The following COL15A1 variants were observed in gnomAD, a reference collection of about 807,000 sequenced individuals.
COL15A1 encodes the protein collagen type XV alpha 1 chain.
COL15A1 carries 111 observed loss-of-function variants against 165.9 expected under a neutral mutation model. The observed-to-expected ratio is 0.67, with a 90% CI of 0.57 to 0.78. The LOEUF is 0.78. Ranked by LOEUF, COL15A1 falls within the 30% of genes least tolerant of loss-of-function variation. The pLI is 0.00. For missense variants in COL15A1, 1,745 were observed against 1,789.7 expected, an observed-to-expected ratio of 0.98 and a Z score of 0.45; for synonymous variants, 659 against 674.8, an observed-to-expected ratio of 0.98 and a Z score of 0.36.
chr9:99,053,995 G>A (rs998043359), intron 31 of COL15A1, among the ~76,000 whole-genome samples: 1 of 152,210 alleles, frequency 6.6e-6, no homozygotes, highest in African/African-American at 2.4e-5. Flanking sequence ...CATATAAAGA[G>A]TTGAGGGGAA....
chr9:99,017,959 C>A (rs909205819), intron 11 of COL15A1, among the ~76,000 whole-genome samples: 1 of 152,134 alleles, frequency 6.6e-6, no homozygotes, highest in Admixed American at 6.6e-5. Flanking sequence ...TCATCTGTTC[C>A]ACCTCCTACC....
intron 22 of COL15A1, among the ~76,000 whole-genome samples, chr9:99,039,113 A>G (rs1456552108): frequency 6.6e-6 from 1 of 152,216 alleles, no homozygotes; most frequent in Non-Finnish European, 1.5e-5. Flanking sequence ...CGAGGAAGAA[A>G]TGGACTCATT....
At chr9:99,039,699 G>A (rs1283570199) in intron 22 of COL15A1, among the ~76,000 whole-genome samples, 2 of 152,186 alleles carry the variant, frequency 1.3e-5, no homozygotes, top group African/African-American at 4.8e-5. Flanking sequence ...GGAGCCTTGA[G>A]GTTGCAGCCC....
intron 2 of COL15A1, among the ~76,000 whole-genome samples, chr9:98,981,864 G>T (rs1338759852): frequency 6.6e-6 from 1 of 152,090 alleles, no homozygotes; most frequent in East Asian, 1.9e-4. Context: ...GAGTGCAGTG[G>T]GGTGATCATA....
intron 6 of COL15A1, among the ~76,000 whole-genome samples, chr9:98,998,610 G>T (rs764659422): frequency 2.0e-5 from 3 of 152,176 alleles, no homozygotes; most frequent in Non-Finnish European, 4.4e-5. Context: ...TGGATGAGAG[G>T]GCTGAATCTG....
intron 26 of COL15A1, 39 bp from the exon 27 acceptor site, chr9:99,047,745 CTT>C: frequency 6.2e-7 from 1 of 1,607,014 alleles, no homozygotes; most frequent in Non-Finnish European, 8.5e-7. Context: ...TGAACCAAGA[CTT>C]TCTGTTCTTT....
chr9:99,068,730 A>G, intron 41 of COL15A1, 60 bp downstream of exon 41: 1 of 965,106 alleles, frequency 1.0e-6, no homozygotes, highest in Non-Finnish European at 1.6e-6. Flanking sequence ...GGGCATCCTA[A>G]CAATGGGATG....
chr9:99,012,768 A>ATGG (rs1838867713), intron 9 of COL15A1, among the ~76,000 whole-genome samples: 1 of 131,224 alleles, frequency 7.6e-6, no homozygotes. Flanking sequence ...CTGGAGTGCA[A>ATGG]TGGTACAATC....
chr9:99,048,376 G>A (rs1839528891), intron 28 of COL15A1, among the ~76,000 whole-genome samples: 1 of 152,086 alleles, frequency 6.6e-6, no homozygotes, highest in African/African-American at 2.4e-5. Flanking sequence ...GTGAGTGCTG[G>A]AAGTCAGTAT....
intron 2 of COL15A1, among the ~76,000 whole-genome samples, chr9:98,960,121 C>A (rs1256191523): frequency 7.9e-5 from 12 of 152,226 alleles, no homozygotes; most frequent in Non-Finnish European, 1.5e-4. Flanking sequence ...GAAACAGAGT[C>A]CCAAGGCCGG....
At chr9:98,978,450 C>A (rs567636390) in intron 2 of COL15A1, among the ~76,000 whole-genome samples, 3 of 152,216 alleles carry the variant, frequency 2.0e-5, no homozygotes, top group Non-Finnish European at 4.4e-5. Flanking sequence ...AGGCTTCCCC[C>A]TCCTGTTCCC....
At chr9:99,023,306 C>G (rs773198416) in intron 13 of COL15A1, 51 bp from the exon 14 acceptor site, 6 of 1,553,836 alleles carry the variant, frequency 3.9e-6, no homozygotes, top group South Asian at 1.2e-5. Context: ...CGTGGCTGTC[C>G]TTGGAGTCTG....
In COL15A1 at chr9:99,003,546, C is replaced by G. The variant is rs759196765; in HGVS notation, c.1159C>G (p.Leu387Val). The G allele has an allele frequency of 1.9e-5, 29 of 1,563,938 alleles. No homozygotes were observed. Among genetic ancestry groups the G allele is most frequent in the African/African-American group, 2.8e-5 (2 of 72,714 alleles). Residue 387 changes from leucine (L) to valine (V), a missense_variant, in exon 8 of 42, where the codon CTC (leucine) becomes GTC (valine). Leu to Val is a conservative substitution (Grantham distance 32, BLOSUM62 1). Coordinates refer to ENST00000375001, the MANE Select transcript of COL15A1 (RefSeq NM_001855.5). ...ASSVPTGGPT[L>V]SMSTENPEEG... The stretch of plus-strand genomic sequence containing the variant: ...CAGTGTGCCCACCGGGGGACCAACC[C>G]TCTCTATGTCCACGGAGAACCCAGA...
chr9:99,031,649 A>G (rs948551568), intron 16 of COL15A1, among the ~76,000 whole-genome samples: 4 of 152,190 alleles, frequency 2.6e-5, no homozygotes, highest in African/African-American at 9.7e-5. Context: ...GCTGGAAGGA[A>G]CCTGCAAATT....
In COL15A1 at chr9:99,024,993, G is replaced by T. The variant is rs1175258975; in HGVS notation, c.1974G>T (p.Gly658=). 3 of 1,613,148 alleles carry T rather than the reference G, an allele frequency of 1.9e-6. No individual in the cohort carries two copies. Among genetic ancestry groups the T allele is most frequent in the Non-Finnish European group, 2.5e-6 (3 of 1,179,574 alleles). The change falls in exon 15 of 42, where the codon GGG becomes GGT. Residue 658 remains glycine, a synonymous_variant. Coordinates refer to ENST00000375001, the MANE Select transcript of COL15A1 (RefSeq NM_001855.5). ...PGEDGPAGEP[G]PPGPEGQPGV... ...AGGATGGACCTGCTGGTGAACCTGG[G>T]CCCCCGGTGAGCAACTGAAGTCTTC... is the stretch of plus-strand genomic sequence containing the variant.
At position 98,965,842 on chromosome 9, in the gene COL15A1, G is replaced by T. The variant is rs367816955; in HGVS notation, c.101-19723G>T. ...GTCACCTGTATCTGGGCCCCGTGTT[G>T]GTGTCTGGTCCTTTTTTTCCAGGGG... On this transcript the variant is annotated intron_variant, in intron 2 of 41. Coordinates refer to ENST00000375001, the MANE Select transcript of COL15A1 (RefSeq NM_001855.5). Among the ~76,000 whole-genome samples, 32 of 152,238 alleles carry T rather than the reference G, an allele frequency of 2.1e-4. No individual in the cohort carries two copies. The East Asian group carries it at 2.1e-3, about 10-fold the overall frequency.
At chr9:98,978,496 T>G (rs1838180176) in intron 2 of COL15A1, among the ~76,000 whole-genome samples, 1 of 152,214 alleles carries the variant, frequency 6.6e-6, no homozygotes, top group African/African-American at 2.4e-5. Context: ...GAAAAGCTTT[T>G]TACTGGATTG....
In COL15A1 at chr9:99,040,574, T is replaced by C. The variant is rs1839385041; in HGVS notation, c.2511+18T>C. 3 of 1,614,258 alleles carry C rather than the reference T, an allele frequency of 1.9e-6. No homozygotes were observed. The Admixed American group carries it at 5.0e-5, about 27-fold the overall frequency. ...GATTTCCAGTAAGTACCACCCTCGC[T>C]GTCTTCTATCTGTGCCCCGTGGCTG... is the stretch of plus-strand genomic sequence containing the variant. On this transcript the variant is annotated intron_variant, in intron 23 of 41. Transcript: ENST00000375001.
At chr9:99,010,443 C>G (rs866435749) in intron 9 of COL15A1, among the ~76,000 whole-genome samples, 1 of 152,188 alleles carries the variant, frequency 6.6e-6, no homozygotes, top group Non-Finnish European at 1.5e-5. Context: ...GAGCTTTACA[C>G]AGCCCTCCAT....
Sources: allele counts gnomAD v4.1 joint callset (sites outside exome capture counted in the v4.1 genomes callset), GRCh38; gene constraint gnomAD v4.1.1; transcripts MANE v1.5; gene names NCBI Gene and HGNC (gene_info 2026-07-23, HGNC 2026-07-21).